The following RNFT1 variants were observed in gnomAD, a reference collection of about 807,000 sequenced individuals.
RNFT1 encodes ring finger protein, transmembrane 1, also known as E3 ubiquitin-protein ligase RNFT1.
In RNFT1, 35 loss-of-function variants were observed where a neutral mutation model predicts 53.2. The observed-to-expected ratio is 0.66, with a 90% CI of 0.50 to 0.87. RNFT1 has a LOEUF of 0.87. RNFT1 is among the 40% of genes least tolerant of loss of function. The pLI is 0.00. For missense variants in RNFT1, 421 were observed against 515.0 expected, an observed-to-expected ratio of 0.82 and a Z score of 1.77; for synonymous variants, 141 against 172.8, an observed-to-expected ratio of 0.82 and a Z score of 1.44.
Position 59,953,070 on chromosome 17 carries a change from T to G in RNFT1, c.1215A>C (p.Arg405Ser). Residue 405 changes from arginine (R) to serine (S), a missense_variant, in exon 9 of 9, where the codon AGA (arginine) becomes AGC (serine). Transcript: ENST00000305783. ...CEECMTLWFN[R>S]EKTCPLCRTV... is the part of the protein sequence containing the mutation. ...TTCTGCAGAGTGGACATGTTTTCTCTCTGTTAAACCATAAGGTCATGCACT... is the reference window on the plus strand; with the variant it reads ...TTCTGCAGAGTGGACATGTTTTCTCGCTGTTAAACCATAAGGTCATGCACT... The G allele has an allele frequency of 6.2e-7, 1 of 1,612,420 alleles. No individual in the cohort carries two copies. The highest frequency in any genetic ancestry group is 8.5e-7 in the Non-Finnish European group (1 of 1,178,530).
At chr17:59,961,678 G>A (rs1393861920) in intron 3 of RNFT1, among the ~76,000 whole-genome samples, 1 of 151,808 alleles carries the variant, frequency 6.6e-6, no homozygotes, top group Non-Finnish European at 1.5e-5. Context: ...CCGGGTTCAA[G>A]CAATTCTCCT....
Position 59,956,483 on chromosome 17 carries a change from C to G in RNFT1, c.1071+5G>C, listed in dbSNP as rs1018467351. 1 of 1,606,646 alleles carries G rather than the reference C, an allele frequency of 6.2e-7. No homozygotes were observed. Among genetic ancestry groups the G allele is most frequent in the East Asian group, 2.2e-5 (1 of 44,630 alleles). ...TGTTTTTCTTAACTGATAAAAAGTA[C>G]TTACTGGTTGTGTAAAAAATATTCG... On this transcript the variant is annotated splice_donor_5th_base_variant and intron_variant, in intron 7 of 8. Coordinates refer to ENST00000305783, the MANE Select transcript of RNFT1 (RefSeq NM_016125.4).
chr17:59,961,509 CTT>C (rs1232852889), intron 3 of RNFT1, among the ~76,000 whole-genome samples: 3 of 152,078 alleles, frequency 2.0e-5, no homozygotes. Flanking sequence ...AACTCATCCT[CTT>C]TTTCCCAATG....
At position 59,953,886 on chromosome 17, in the gene RNFT1, G is replaced by A. The variant is rs186713043; in HGVS notation, c.1173+159C>T. On this transcript the variant is annotated intron_variant, in intron 8 of 8. Coordinates refer to ENST00000305783, the MANE Select transcript of RNFT1 (RefSeq NM_016125.4). ...CTGCATAAAAATTATCAGAACATAA[G>A]GGACAAAACTTAGCCAATCCACTAG... The A allele has an allele frequency of 9.9e-5, 50 of 503,150 alleles. No individual in the cohort carries two copies. In the Admixed American group the frequency reaches 1.6e-3, roughly 17 times the overall value. 31.2% of individuals were successfully genotyped at this position (503,150 alleles called of 1,614,324 possible). A position where few individuals can be genotyped will look rare whatever the true frequency, so the allele number is the denominator to read the frequency against.
rs1350174205 is a variant in RNFT1, at chr17:59,952,816, G to A, written c.*161C>T. On this transcript the variant is annotated 3_prime_UTR_variant, in exon 9 of 9. Transcript: ENST00000305783. ...TTATATATATTTTAAAACACAGGGT[G>A]GTTTCATTTAATCTTTTGGTGAATT... The A allele has an allele frequency of 4.4e-5, 25 of 565,810 alleles. No individual in the cohort carries two copies. Among genetic ancestry groups the A allele is most frequent in the Non-Finnish European group, 6.7e-5 (22 of 328,914 alleles). 35.0% of individuals were successfully genotyped at this position (565,810 alleles called of 1,614,324 possible).
chr17:59,960,222 A>G, intron 3 of RNFT1, 54 bp from the exon 4 acceptor site: 2 of 1,551,772 alleles, frequency 1.3e-6, no homozygotes, highest in Non-Finnish European at 1.7e-6. Context: ...AATTTTAAAT[A>G]TCATTAAACT....
chr17:59,961,882 CTTTTTTTTTTT>C (rs71370154), intron 3 of RNFT1, among the ~76,000 whole-genome samples: 1 of 91,430 alleles, frequency 1.1e-5, no homozygotes, highest in Non-Finnish European at 2.0e-5. Context: ...TGGCCCAGGT[CTTTTTTTTTTT>C]TTTTTTTTTT....
At chr17:59,960,453 A>G (rs915773100) in intron 3 of RNFT1, among the ~76,000 whole-genome samples, 1 of 147,474 alleles carries the variant, frequency 6.8e-6, no homozygotes, top group South Asian at 2.1e-4. Flanking sequence ...AAAAAAAAAA[A>G]AAAGAAAATT....
rs139462395 is a variant in RNFT1, at chr17:59,962,904, T to C, written c.437A>G (p.Tyr146Cys). 32 of 1,614,194 alleles carry C rather than the reference T, an allele frequency of 2.0e-5. No homozygotes were observed. The highest frequency in any genetic ancestry group is 9.9e-5 in the South Asian group (9 of 91,086). Residue 146 changes from tyrosine to cysteine, a missense_variant, in exon 2 of 9, where the codon TAT (tyrosine) becomes TGT (cysteine). Transcript: ENST00000305783. Reference protein sequence around the residue: ...HGSSSFSEFRYLFKWLQKSLP... With the variant: ...HGSSSFSEFRCLFKWLQKSLP... ...ACTTTTTTGCAGCCACTTGAAGAGA[T>C]AGCGGAATTCTGAGAAGGAGCTACT...
At position 59,957,321 on chromosome 17, in the gene RNFT1, G is replaced by A. The variant is rs2045260033; in HGVS notation, c.908C>T (p.Pro303Leu). Residue 303 changes from proline to leucine, a missense_variant, in exon 6 of 9, where the codon CCA becomes CTA. Pro to Leu is a moderately conservative substitution (Grantham distance 98). Coordinates refer to ENST00000305783, the MANE Select transcript of RNFT1 (RefSeq NM_016125.4). ...CQYYRTFVPI[P>L]VWFRYLISYG... ...GCTTATAAGGTAGCGAAACCAAACT[G>A]GTATGGGAACAAAAGTTCGGTAGTA... 1.9e-6 allele frequency: 3 copies of A among 1,613,448 alleles called. No homozygotes were observed. Among genetic ancestry groups the A allele is most frequent in the South Asian group, 1.1e-5 (1 of 91,040 alleles).
intron 1 of RNFT1, among the ~76,000 whole-genome samples, chr17:59,963,986 G>A (rs2045315764): frequency 6.6e-6 from 1 of 152,204 alleles, no homozygotes; most frequent in Non-Finnish European, 1.5e-5. Context: ...GTCTGAATAA[G>A]CAGTTACACA....
At chr17:59,958,485 C>A (rs2045267821) in intron 4 of RNFT1, 41 bp from the exon 5 acceptor site, 1 of 1,423,494 alleles carries the variant, frequency 7.0e-7, no homozygotes, top group Non-Finnish European at 9.6e-7. Context: ...GAGCAACATA[C>A]AAAGATAAAG....
chr17:59,962,936 A>G lies in RNFT1; in HGVS notation c.405T>C (p.Asp135=). 6.2e-7 allele frequency: 1 copy of G among 1,614,206 alleles called. No homozygotes were observed. Among genetic ancestry groups the G allele is most frequent in the Non-Finnish European group, 8.5e-7 (1 of 1,180,026 alleles). The part of the protein sequence containing the change: ...LTDDTAAESG[D]HGSSSFSEFR... ...ATTCTGAGAAGGAGCTACTACCATG[A>G]TCTCCAGATTCTGCGGCAGTATCAT... Residue 135 remains aspartate (D), a synonymous_variant, in exon 2 of 9, where the codon GAT becomes GAC. Coordinates refer to ENST00000305783, the MANE Select transcript of RNFT1 (RefSeq NM_016125.4).
intron 6 of RNFT1, 70 bp downstream of exon 6, chr17:59,957,154 G>A (rs2045258792): frequency 2.1e-6 from 3 of 1,424,366 alleles, no homozygotes; most frequent in Admixed American, 2.2e-5. Context: ...GTTAAAAGAG[G>A]AAAACAGTAG....
intron 7 of RNFT1, among the ~76,000 whole-genome samples, chr17:59,954,627 G>C (rs553442990): frequency 6.6e-6 from 1 of 152,208 alleles, no homozygotes; most frequent in African/African-American, 2.4e-5. Context: ...CAATTCACTA[G>C]GACCAGACAT....
rs376215881 is a variant in RNFT1 at position 59,963,219 on chromosome 17, T to G, written c.122A>C (p.Asn41Thr). The change falls in exon 2 of 9, where the codon AAT becomes ACT. Residue 41 changes from asparagine (N) to threonine (T), a missense_variant. By Grantham distance (65) the Asn-to-Thr change is moderately conservative. Transcript: ENST00000305783. ...TGGAGGACTGTGCAGTTGGCTACGATTGGCTTGCATGGCCCTTAAATACTT... is the reference window on the plus strand; with the variant it reads ...TGGAGGACTGTGCAGTTGGCTACGAGTGGCTTGCATGGCCCTTAAATACTT... ...EKKYLRAMQA[N>T]RSQLHSPPGT... is the part of the protein sequence containing the mutation. The G allele has an allele frequency of 2.5e-6, 4 of 1,614,102 alleles. No individual in the cohort carries two copies. The highest frequency in any genetic ancestry group is 3.4e-6 in the Non-Finnish European group (4 of 1,180,028).
At position 59,962,856 on chromosome 17, in the gene RNFT1, C is replaced by T. The variant is rs376198298; in HGVS notation, c.485G>A (p.Ser162Asn). The change falls in exon 2 of 9, where the codon AGC becomes AAC. Residue 162 changes from serine to asparagine, a missense_variant. Coordinates refer to ENST00000305783, the MANE Select transcript of RNFT1 (RefSeq NM_016125.4). ...QKSLPYILIL[S>N]VKLVMQHITG... ...TATATGCTGCATAACAAGTTTGACGCTCAGAATCAAAATATATGGAAGACT... is the reference window on the plus strand; with the variant it reads ...TATATGCTGCATAACAAGTTTGACGTTCAGAATCAAAATATATGGAAGACT... 1 of 1,612,412 alleles carries T rather than the reference C, an allele frequency of 6.2e-7. No homozygotes were observed. Among genetic ancestry groups the T allele is most frequent in the South Asian group, 1.1e-5 (1 of 91,060 alleles).
chr17:59,964,221 G>GA (rs1342180981), intron 1 of RNFT1, among the ~76,000 whole-genome samples: 8 of 152,202 alleles, frequency 5.3e-5, no homozygotes, highest in African/African-American at 1.9e-4. Flanking sequence ...TAACGTCAGG[G>GA]AATGTTCTGT....
At chr17:59,961,040 T>C (rs2045288314) in intron 3 of RNFT1, among the ~76,000 whole-genome samples, 1 of 151,430 alleles carries the variant, frequency 6.6e-6, no homozygotes, top group African/African-American at 2.4e-5. Context: ...TCCCTTTTTT[T>C]TTTTTTACTT....
Sources: allele counts gnomAD v4.1 joint callset (sites outside exome capture counted in the v4.1 genomes callset), GRCh38; gene constraint gnomAD v4.1.1; transcripts MANE v1.5; gene names NCBI Gene and HGNC (gene_info 2026-07-23, HGNC 2026-07-21).